FOXP1: variants seen among roughly 807,000 people sequenced by gnomAD.
The protein encoded by FOXP1 is forkhead box P1.
FOXP1 carries 15 observed loss-of-function variants against 98.2 expected under a neutral mutation model. The ratio of observed to expected loss-of-function variants is 0.15; its 90% CI spans 0.10 to 0.24. FOXP1 has a LOEUF of 0.24. Among genes scored for constraint, FOXP1 ranks in the 10% least tolerant of loss-of-function variants. The probability of loss-of-function intolerance (pLI) is 1.00; values close to 1 mark genes in which losing one functional copy is unlikely to be tolerated. For missense variants in FOXP1, 633 were observed against 848.5 expected (o/e 0.75, Z 3.15); for synonymous variants, 371 against 314.5 (o/e 1.18, Z -1.90).
intron 3 of FOXP1, among the ~76,000 whole-genome samples, chr3:71,364,099 C>T (rs1204790617): frequency 1.3e-5 from 2 of 152,126 alleles, no homozygotes; most frequent in Non-Finnish European, 2.9e-5. Flanking sequence ...GGACTACAGG[C>T]GCGTGCCATC....
chr3:71,181,962 G>C (rs1483347362), intron 6 of FOXP1, among the ~76,000 whole-genome samples: 1 of 150,896 alleles, frequency 6.6e-6, no homozygotes, highest in African/African-American at 2.5e-5. Flanking sequence ...GTGAACCTGG[G>C]AGGCAGAGCT....
At chr3:70,966,318 T>C (rs1047626001) in intron 19 of FOXP1, 3 of 502,100 alleles carry the variant, frequency 6.0e-6, no homozygotes, top group African/African-American at 5.8e-5. Context: ...TCCTGCTTGG[T>C]AGTCACATGG....
intron 6 of FOXP1, among the ~76,000 whole-genome samples, chr3:71,191,037 C>T (rs2062946795): frequency 2.0e-5 from 3 of 152,216 alleles, no homozygotes; most frequent in African/African-American, 7.2e-5. Flanking sequence ...GTCATAAAAG[C>T]AGTCACCTTG....
chr3:70,978,685 C>CATATT lies in FOXP1; in HGVS notation c.1147-661_1147-657dup, dbSNP rs773910159. Among the ~76,000 whole-genome samples the CATATT allele has an allele frequency of 9.9e-5, 15 of 152,268 alleles. No individual in the cohort carries two copies. In the East Asian group the frequency reaches 2.3e-3, roughly 24 times the overall value. On this transcript the variant is annotated intron_variant, in intron 14 of 20. Coordinates refer to ENST00000649528, the MANE Select transcript of FOXP1 (RefSeq NM_001349338.3). ...AAATATGTGTGGCCTATTTATTACT[C>CATATT]ATATTAAACACAATGGGCCTGACCC... is the stretch of plus-strand genomic sequence containing the variant.
chr3:70,976,744 A>AT (rs1326225356), intron 17 of FOXP1, among the ~76,000 whole-genome samples, 197 bp downstream of exon 17: 1 of 152,238 alleles, frequency 6.6e-6, no homozygotes, highest in African/African-American at 2.4e-5. Context: ...TGATGCTGGT[A>AT]TAATGGGAGT....
At chr3:71,375,571 A>G (rs2079651494) in intron 3 of FOXP1, among the ~76,000 whole-genome samples, 1 of 152,218 alleles carries the variant, frequency 6.6e-6, no homozygotes, top group South Asian at 2.1e-4. Flanking sequence ...ATTAAGTCCT[A>G]AATGTTCCAT....
intron 18 of FOXP1, chr3:70,972,139 G>T (rs1454631146): frequency 1.3e-6 from 2 of 1,534,086 alleles, no homozygotes; most frequent in South Asian, 1.2e-5. Context: ...CCTCTACTCT[G>T]ATAAAGCACT....
At chr3:71,166,688 C>CA (rs374844064) in intron 6 of FOXP1, among the ~76,000 whole-genome samples, 19 of 152,246 alleles carry the variant, frequency 1.2e-4, no homozygotes, top group African/African-American at 4.3e-4. Context: ...AAATGCTGAA[C>CA]ACCTCCAAGA....
At chr3:70,961,873 T>A (rs1039882433) in intron 20 of FOXP1, among the ~76,000 whole-genome samples, 1 of 152,074 alleles carries the variant, frequency 6.6e-6, no homozygotes, top group East Asian at 1.9e-4. Context: ...CCAGCCTGGG[T>A]GATACAGTAA....
chr3:71,527,047 T>C (rs1321507904), intron 2 of FOXP1, among the ~76,000 whole-genome samples: 3 of 151,384 alleles, frequency 2.0e-5, no homozygotes, highest in Admixed American at 6.6e-5. Flanking sequence ...CTACTGTATA[T>C]GCAAGACAAA....
chr3:71,151,583 AT>A (rs1157936114), intron 6 of FOXP1, among the ~76,000 whole-genome samples: 1 of 152,080 alleles, frequency 6.6e-6, no homozygotes, highest in Non-Finnish European at 1.5e-5. Flanking sequence ...TCTGCACTAG[AT>A]AGAAAGACAC....
intron 6 of FOXP1, among the ~76,000 whole-genome samples, chr3:71,121,185 A>G (rs972270553): frequency 6.6e-6 from 1 of 151,954 alleles, no homozygotes; most frequent in Non-Finnish European, 1.5e-5. Flanking sequence ...ATGGACAGAG[A>G]GAGATGCCGA....
chr3:71,423,929 T>C (rs2083875132), intron 3 of FOXP1, among the ~76,000 whole-genome samples: 1 of 152,204 alleles, frequency 6.6e-6, no homozygotes, highest in African/African-American at 2.4e-5. Context: ...AGCAGAAATA[T>C]ATTTCTATTT....
intron 17 of FOXP1, among the ~76,000 whole-genome samples, chr3:70,973,232 CCCCCCG>C (rs1434107416): frequency 1.2e-4 from 17 of 143,340 alleles, no homozygotes; most frequent in African/African-American, 3.4e-4. Context: ...GGTGAACGGA[CCCCCCG>C]CCCCCGCCCC....
chr3:70,964,840 C>A (rs535910404), intron 20 of FOXP1, among the ~76,000 whole-genome samples: 1 of 152,306 alleles, frequency 6.6e-6, no homozygotes, highest in South Asian at 2.1e-4. Context: ...CAGATTTCCA[C>A]GTACCCTCCA....
chr3:71,255,513 A>C (rs2068548663), intron 5 of FOXP1, among the ~76,000 whole-genome samples: 1 of 152,166 alleles, frequency 6.6e-6, no homozygotes, highest in Non-Finnish European at 1.5e-5. Context: ...ATCTTCTTTT[A>C]GGCTAATAAA....
At chr3:71,196,406 GT>G (rs1254696837) in intron 6 of FOXP1, among the ~76,000 whole-genome samples, 7 of 152,104 alleles carry the variant, frequency 4.6e-5, no homozygotes, top group African/African-American at 9.7e-5. Flanking sequence ...TGTTTTGATG[GT>G]TTATATGTAA....
In FOXP1 at chr3:71,074,597, A is replaced by T. The variant is rs72947427; in HGVS notation, c.283-20824T>A. Among the ~76,000 whole-genome samples the T allele has an allele frequency of 8.6e-3, 1,307 of 152,230 alleles. 14 individuals carry two copies. The highest frequency in any genetic ancestry group is 0.03 in the African/African-American group (1,240 of 41,544). The stretch of plus-strand genomic sequence containing the variant: ...GTTGAGACTTGAATGACTCCAAAAC[A>T]AGGCTTCTAATCCCATATGCCAATC... On this transcript the variant is annotated intron_variant, in intron 7 of 20. Coordinates refer to ENST00000649528, the MANE Select transcript of FOXP1 (RefSeq NM_001349338.3).
chr3:71,233,181 C>T (rs779463159), intron 5 of FOXP1, among the ~76,000 whole-genome samples: 80 of 136,730 alleles, frequency 5.9e-4, no homozygotes, highest in Non-Finnish European at 8.2e-4. Context: ...AGAGAGAAAG[C>T]GAAAGAAATA....
Sources: allele counts gnomAD v4.1 joint callset (sites outside exome capture counted in the v4.1 genomes callset), GRCh38; gene constraint gnomAD v4.1.1; transcripts MANE v1.5; gene names NCBI Gene and HGNC (gene_info 2026-07-23, HGNC 2026-07-21).